The following DPYS variants were observed in gnomAD, a reference collection of about 807,000 sequenced individuals.
The protein encoded by DPYS is dihydropyrimidine amidohydrolase.
A neutral mutation model predicts 50.3 loss-of-function variants in DPYS; 39 were observed. The observed-to-expected ratio is 0.78, with a 90% CI of 0.60 to 1.01. The LOEUF is 1.01. DPYS is among the 50% of genes least tolerant of loss of function. The probability of loss-of-function intolerance (pLI) is 0.00; values close to 1 mark genes in which losing one functional copy is unlikely to be tolerated. For missense variants in DPYS, 659 were observed against 680.9 expected (o/e 0.97, Z 0.36); for synonymous variants, 245 against 250.7 (o/e 0.98, Z 0.22).
chr8:104,400,231 G>A (rs1201177352), intron 7 of DPYS, among the ~76,000 whole-genome samples: 1 of 152,146 alleles, frequency 6.6e-6, no homozygotes, highest in African/African-American at 2.4e-5. Flanking sequence ...CAAAGTCCCT[G>A]ACTGATAGAC....
intron 7 of DPYS, among the ~76,000 whole-genome samples, chr8:104,407,800 G>A (rs893595348): frequency 2.6e-5 from 4 of 152,184 alleles, no homozygotes; most frequent in Non-Finnish European, 4.4e-5. Context: ...TTAAATGAGG[G>A]AGAATAATAT....
intron 8 of DPYS, among the ~76,000 whole-genome samples, chr8:104,388,722 G>T (rs943357450): frequency 2.6e-5 from 4 of 152,240 alleles, no homozygotes; most frequent in African/African-American, 9.6e-5. Context: ...AGGATCAGCT[G>T]TCTACATTTT....
chr8:104,427,829 G>A, intron 6 of DPYS, 151 bp downstream of exon 6: 3 of 1,102,622 alleles, frequency 2.7e-6, no homozygotes, highest in Admixed American at 3.4e-5. Context: ...TGGAATGGTG[G>A]TCGAGGTGAT....
chr8:104,424,825 AC>A (rs1464087627), intron 6 of DPYS, among the ~76,000 whole-genome samples: 6 of 129,220 alleles, frequency 4.6e-5, no homozygotes, highest in African/African-American at 1.8e-4. Context: ...AGGTGACAAC[AC>A]TTTTTTTTTT....
At chr8:104,464,775 GT>G (rs1814298677) in intron 1 of DPYS, among the ~76,000 whole-genome samples, 1 of 152,138 alleles carries the variant, frequency 6.6e-6, no homozygotes, top group Non-Finnish European at 1.5e-5. Flanking sequence ...TATTATTAAT[GT>G]TTTGCTTCTT....
At chr8:104,455,244 G>A (rs1323568954) in intron 1 of DPYS, among the ~76,000 whole-genome samples, 2 of 152,238 alleles carry the variant, frequency 1.3e-5, no homozygotes, top group African/African-American at 2.4e-5. Flanking sequence ...AGGCCCTAGA[G>A]CCTGAGCCTC....
At chr8:104,449,641 G>GT (rs1813662615) in intron 2 of DPYS, among the ~76,000 whole-genome samples, 1 of 152,222 alleles carries the variant, frequency 6.6e-6, no homozygotes, top group East Asian at 1.9e-4. Flanking sequence ...TTTATCCAAT[G>GT]TAACTGCTGC....
intron 1 of DPYS, among the ~76,000 whole-genome samples, chr8:104,460,551 T>C (rs1814090110): frequency 6.6e-6 from 1 of 152,108 alleles, no homozygotes. Context: ...TTTATAGCAG[T>C]GTGAGAACAG....
rs922288274 is a variant in DPYS, at chr8:104,438,457, C to T, written c.793+5791G>A. ...ACTAAAATAAGGCATGCTTTTGAGT[C>T]CTACTGGAATGAAGAAAACTCACTT... On this transcript the variant is annotated intron_variant, in intron 4 of 9. Coordinates refer to ENST00000351513, the MANE Select transcript of DPYS (RefSeq NM_001385.3). 2.0e-5 allele frequency among the ~76,000 whole-genome samples: 3 copies of T among 152,172 alleles called. No individual in the cohort carries two copies. In the South Asian group the frequency reaches 6.2e-4, roughly 32 times the overall value.
intron 7 of DPYS, among the ~76,000 whole-genome samples, chr8:104,411,185 T>G (rs1812163360): frequency 6.6e-6 from 1 of 152,216 alleles, no homozygotes; most frequent in Non-Finnish European, 1.5e-5. Flanking sequence ...ACACCTTATA[T>G]TTATGTCTCC....
At chr8:104,399,818 G>A (rs1232491873) in intron 7 of DPYS, among the ~76,000 whole-genome samples, 8 of 127,344 alleles carry the variant, frequency 6.3e-5, no homozygotes, top group Admixed American at 5.9e-4. Flanking sequence ...GCAGTGAGCC[G>A]AGATCGCACC....
At chr8:104,388,265 T>C (rs1261210087) in intron 8 of DPYS, among the ~76,000 whole-genome samples, 1 of 152,194 alleles carries the variant, frequency 6.6e-6, no homozygotes, top group Non-Finnish European at 1.5e-5. Context: ...TTAAAAGCTT[T>C]GGCAGCAGTA....
At chr8:104,451,517 A>T (rs577184324) in intron 1 of DPYS, 113 bp from the exon 2 acceptor site, 1 of 1,337,998 alleles carries the variant, frequency 7.5e-7, no homozygotes, top group South Asian at 1.2e-5. Flanking sequence ...TGGGTCCAGG[A>T]AATTGCAAAA....
At chr8:104,384,219 T>A (rs1280981090) in intron 8 of DPYS, among the ~76,000 whole-genome samples, 1 of 152,210 alleles carries the variant, frequency 6.6e-6, no homozygotes, top group Non-Finnish European at 1.5e-5. Flanking sequence ...GATAGATAAG[T>A]TGACAGAAAT....
At chr8:104,406,135 G>A (rs1378944689) in intron 7 of DPYS, among the ~76,000 whole-genome samples, 1 of 152,166 alleles carries the variant, frequency 6.6e-6, no homozygotes, top group African/African-American at 2.4e-5. Flanking sequence ...ATGAACCCCT[G>A]TGCTGTAAAT....
In DPYS at chr8:104,379,506, A is replaced by AT. The variant is rs143004875; in HGVS notation, c.*351dup. On this transcript the variant is annotated 3_prime_UTR_variant, in exon 10 of 10. Transcript: ENST00000351513. Reference sequence around the variant, plus strand: ...GAGCTATTTTAAAACTAATGTAACCATTTTTTTAAAAAAAGAAACTATTTA... The same window carrying AT: ...GAGCTATTTTAAAACTAATGTAACCATTTTTTTTAAAAAAAGAAACTATTTA... 9,899 of 171,148 alleles carry AT rather than the reference A, an allele frequency of 0.058. 571 individuals carry two copies. The highest frequency in any genetic ancestry group is 0.23 in the East Asian group (1,359 of 5,922). The allele number at this position is 171,148 out of a possible 1,614,324, so 10.6% of individuals were successfully genotyped here. A position where few individuals can be genotyped will look rare whatever the true frequency, so the allele number is the denominator to read the frequency against.
chr8:104,437,089 T>C (rs985467135), intron 4 of DPYS, among the ~76,000 whole-genome samples: 2 of 152,004 alleles, frequency 1.3e-5, no homozygotes, highest in African/African-American at 4.8e-5. Flanking sequence ...GTGAAAATAG[T>C]TAAAAGACAT....
chr8:104,453,826 C>G (rs780304533), intron 1 of DPYS, among the ~76,000 whole-genome samples: 2 of 152,150 alleles, frequency 1.3e-5, no homozygotes, highest in Non-Finnish European at 2.9e-5. Context: ...TAAATAAAAT[C>G]TAATAGATTC....
chr8:104,461,787 A>C (rs1814181080), intron 1 of DPYS, among the ~76,000 whole-genome samples: 1 of 152,158 alleles, frequency 6.6e-6, no homozygotes, highest in Non-Finnish European at 1.5e-5. Context: ...CTGGAGAGAG[A>C]GATCCGAGAC....
Sources: allele counts gnomAD v4.1 joint callset (sites outside exome capture counted in the v4.1 genomes callset), GRCh38; gene constraint gnomAD v4.1.1; transcripts MANE v1.5; gene names NCBI Gene and HGNC (gene_info 2026-07-23, HGNC 2026-07-21).